TKT: variants seen among roughly 807,000 people sequenced by gnomAD.
TKT encodes transketolase.
Under a neutral mutation model 63.9 loss-of-function variants are expected in TKT, and 47 were observed. That is an observed-to-expected ratio of 0.74 (90% CI 0.58 to 0.94). TKT has a LOEUF of 0.94. TKT is among the 40% of genes least tolerant of loss of function. The probability of loss-of-function intolerance (pLI) is 0.00; values close to 1 mark genes in which losing one functional copy is unlikely to be tolerated. For synonymous variants in TKT, 338 were observed against 334.1 expected, an observed-to-expected ratio of 1.01 and a Z score of -0.13; for missense variants, 721 against 846.2, an observed-to-expected ratio of 0.85 and a Z score of 1.84.
In TKT at chr3:53,255,987, T is replaced by C. The variant is rs782525099; in HGVS notation, c.-45A>G. ...GGGCGCACACGCGGACACACAGAGA[T>C]AGCGGCTGCTCCCGCGGCGACAGGC... On this transcript the variant is annotated 5_prime_UTR_variant, in exon 1 of 14. Coordinates refer to ENST00000462138, the MANE Select transcript of TKT (RefSeq NM_001064.4). 8.2e-6 allele frequency: 11 copies of C among 1,342,172 alleles called. No individual in the cohort carries two copies. Among genetic ancestry groups the C allele is most frequent in the Middle Eastern group, 2.0e-4 (1 of 5,044 alleles). The allele number at this position is 1,342,172 out of a possible 1,614,324, so 83.1% of individuals were successfully genotyped here. A position where few individuals can be genotyped will look rare whatever the true frequency, so the allele number is the denominator to read the frequency against.
chr3:53,225,754 C>A lies in TKT; in HGVS notation c.*2G>T, dbSNP rs782632474. ...ACCCCCGCCCCACACTTCATACCCG[C>A]CCTAGGCCTTGGTGATGAGGCCCCT... On this transcript the variant is annotated 3_prime_UTR_variant, in exon 14 of 14. Coordinates refer to ENST00000462138, the MANE Select transcript of TKT (RefSeq NM_001064.4). 1.2e-6 allele frequency: 2 copies of A among 1,609,612 alleles called. No homozygotes were observed. The highest frequency in any genetic ancestry group is 1.3e-5 in the African/African-American group (1 of 74,900).
chr3:53,236,374 G>A (rs185028618), intron 4 of TKT, among the ~76,000 whole-genome samples: 16 of 152,336 alleles, frequency 1.1e-4, no homozygotes, highest in African/African-American at 3.6e-4. Flanking sequence ...CATGCCAGCA[G>A]GCCAGGAGCA....
rs1704518063 is a variant in TKT, at chr3:53,226,802, A to G, written c.1650T>C (p.Arg550=). 1 of 1,614,024 alleles carries G rather than the reference A, an allele frequency of 6.2e-7. No individual in the cohort carries two copies. Among genetic ancestry groups the G allele is most frequent in the African/African-American group, 1.3e-5 (1 of 74,930 alleles). ...LDRKLILDSA[R]ATKGRILTVE... is the part of the protein sequence containing the mutation. The stretch of plus-strand genomic sequence containing the variant: ...CGGTGAGGATCCTGCCCTTGGTGGC[A>G]CGAGCGCTGTCGAGAATGAGTTTTC... Residue 550 remains arginine, a synonymous_variant, in exon 13 of 14, where the codon CGT becomes CGC. Transcript: ENST00000462138.
intron 4 of TKT, among the ~76,000 whole-genome samples, chr3:53,238,707 GT>G (rs1338995869): frequency 6.6e-6 from 1 of 152,218 alleles, no homozygotes; most frequent in Non-Finnish European, 1.5e-5. Context: ...AGCTCCTGTG[GT>G]GCCCTCAGCC....
At chr3:53,243,434 C>A (rs782471937) in intron 1 of TKT, 5 of 373,956 alleles carry the variant, frequency 1.3e-5, no homozygotes, top group Admixed American at 1.3e-4. Flanking sequence ...GAGCTCACGC[C>A]GCCAGCCTCC....
intron 1 of TKT, among the ~76,000 whole-genome samples, chr3:53,254,415 G>C (rs577699519): frequency 2.0e-5 from 3 of 152,346 alleles, no homozygotes; most frequent in Admixed American, 6.5e-5. Context: ...CAGTGGGTGG[G>C]GGAAGGGCTT....
chr3:53,229,575 C>T, intron 8 of TKT, 139 bp from the exon 9 acceptor site: 1 of 1,002,236 alleles, frequency 1.0e-6, no homozygotes, highest in Non-Finnish European at 1.5e-6. Context: ...TGTCCCCCAC[C>T]ACCTTCTTCT....
chr3:53,226,563 A>C (rs1286561112), intron 13 of TKT, 193 bp downstream of exon 13: 1 of 672,358 alleles, frequency 1.5e-6, no homozygotes, highest in African/African-American at 1.8e-5. Flanking sequence ...GCTCATCAGC[A>C]GCTGTGAGTT....
intron 12 of TKT, 124 bp from the exon 13 acceptor site, chr3:53,227,002 C>T (rs1704529063): frequency 2.3e-6 from 3 of 1,290,342 alleles, no homozygotes; most frequent in East Asian, 2.4e-5. Flanking sequence ...CGGGCCTGTC[C>T]CTGTCCCAGG....
rs782483585 is a variant in TKT, at chr3:53,229,078, TG to T, written c.1323del (p.Thr442HisfsTer19). On this transcript the variant is annotated frameshift_variant, in exon 10 of 14. Coordinates refer to ENST00000462138, the MANE Select transcript of TKT (RefSeq NM_001064.4). LOFTEE classifies it high-confidence loss of function. ...TCACTTGGGTAAAAGACAGTTGATGTGGGGACTGACCGAAACATAGCCAGAT... is the reference window on the plus strand; with the variant it reads ...TCACTTGGGTAAAAGACAGTTGATGTGGGACTGACCGAAACATAGCCAGAT... The part of the protein sequence containing the change: ...LEDLAMFRSV[P>X]TSTVFYPSDG... 3.1e-6 allele frequency: 5 copies of T among 1,614,134 alleles called. No individual in the cohort carries two copies. In the African/African-American group the frequency reaches 6.7e-5, roughly 22 times the overall value.
chr3:53,238,488 G>A (rs1705132107), intron 4 of TKT, among the ~76,000 whole-genome samples: 1 of 152,146 alleles, frequency 6.6e-6, no homozygotes, highest in African/African-American at 2.4e-5. Context: ...CCTGGGGAAG[G>A]GCCTGCACAC....
intron 3 of TKT, among the ~76,000 whole-genome samples, chr3:53,240,847 C>T (rs1446002840): frequency 1.3e-5 from 2 of 152,178 alleles, no homozygotes; most frequent in Non-Finnish European, 2.9e-5. Context: ...GCTGTAGCTA[C>T]CTAGCCAAGG....
At chr3:53,234,795 C>T (rs1704936412) in intron 5 of TKT, 188 bp downstream of exon 5, 2 of 520,330 alleles carry the variant, frequency 3.8e-6, no homozygotes, top group African/African-American at 2.0e-5. Flanking sequence ...CTGGGCCTGG[C>T]CCACATATCC....
chr3:53,232,785 G>A (rs138276261), intron 6 of TKT: 8 of 408,438 alleles, frequency 2.0e-5, no homozygotes, highest in African/African-American at 1.0e-4. Context: ...GCTCTGTGTC[G>A]GCCCTTCAGC....
intron 1 of TKT, among the ~76,000 whole-genome samples, chr3:53,254,486 T>TATCC (rs1443811915): frequency 3.3e-5 from 5 of 152,242 alleles, no homozygotes; most frequent in Non-Finnish European, 7.3e-5. Context: ...GGTGAATGCG[T>TATCC]ATCCACCCAG....
At position 53,233,487 on chromosome 3, in the gene TKT, T is replaced by C. The variant is rs1575563381; in HGVS notation, c.630-213A>G. The C allele has an allele frequency of 3.1e-5, 15 of 490,842 alleles. No homozygotes were observed. In the East Asian group the frequency reaches 4.9e-4, roughly 16 times the overall value. The allele number at this position is 490,842 out of a possible 1,614,324, so 30.4% of individuals were successfully genotyped here. A position where few individuals can be genotyped will look rare whatever the true frequency, so the allele number is the denominator to read the frequency against. On this transcript the variant is annotated intron_variant, in intron 5 of 13. Coordinates refer to ENST00000462138, the MANE Select transcript of TKT (RefSeq NM_001064.4). ...TTTTTCACATTATTTTACTTCCTTT[T>C]GTTTGCCTCTGAACAGGTTTTCCTC...
chr3:53,230,108 G>A (rs6793773), intron 8 of TKT, among the ~76,000 whole-genome samples: 2 of 151,972 alleles, frequency 1.3e-5, no homozygotes, highest in South Asian at 2.1e-4. Flanking sequence ...CTACAGACTC[G>A]GGCTGCTAAA....
intron 1 of TKT, among the ~76,000 whole-genome samples, chr3:53,251,468 C>T (rs910544181): frequency 3.9e-4 from 60 of 152,182 alleles, no homozygotes; most frequent in Admixed American, 6.5e-5. Flanking sequence ...CCACTGTGGG[C>T]GCTGCCTCAA....
At chr3:53,253,907 G>C (rs1705866934) in intron 1 of TKT, among the ~76,000 whole-genome samples, 1 of 152,106 alleles carries the variant, frequency 6.6e-6, no homozygotes, top group African/African-American at 2.4e-5. Context: ...CTGCCAAGAA[G>C]CATTCCTGAC....
Sources: allele counts gnomAD v4.1 joint callset (sites outside exome capture counted in the v4.1 genomes callset), GRCh38; gene constraint gnomAD v4.1.1; transcripts MANE v1.5; gene names NCBI Gene and HGNC (gene_info 2026-07-23, HGNC 2026-07-21).